PCDH15: variants seen among roughly 807,000 people sequenced by gnomAD.
The protein encoded by PCDH15 is protocadherin-15.
A neutral mutation model predicts 178.5 loss-of-function variants in PCDH15; 129 were observed. That is an observed-to-expected ratio of 0.72 (90% confidence interval 0.63 to 0.84). The LOEUF is 0.84. PCDH15 is among the 40% of genes least tolerant of loss of function. The pLI is 0.00. For synonymous variants in PCDH15, 800 were observed against 732.0 expected (o/e 1.09, Z -1.50); for missense variants, 2,230 against 2,099.9 (o/e 1.06, Z -1.21).
chr10:54,187,452 C>A (rs1351341793), intron 11 of PCDH15, among the ~76,000 whole-genome samples: 2 of 151,844 alleles, frequency 1.3e-5, no homozygotes. Context: ...TTACTTTTTA[C>A]CACTTTCAAG....
intron 3 of PCDH15, among the ~76,000 whole-genome samples, chr10:54,867,525 C>T (rs1953961950): frequency 6.6e-6 from 1 of 152,014 alleles, no homozygotes; most frequent in African/African-American, 2.4e-5. Flanking sequence ...TTTACAATGA[C>T]ATTGCACATA....
At chr10:54,472,407 G>A (rs971059586) in intron 3 of PCDH15, among the ~76,000 whole-genome samples, 6 of 152,022 alleles carry the variant, frequency 3.9e-5, no homozygotes, top group African/African-American at 1.2e-4. Flanking sequence ...TTAACTGAGT[G>A]TGAAGAAAAG....
chr10:53,840,592 A>C, intron 28 of PCDH15, 96 bp from the exon 29 acceptor site: 1 of 1,141,578 alleles, frequency 8.8e-7, no homozygotes, highest in Non-Finnish European at 1.3e-6. Flanking sequence ...TAAATGAAAA[A>C]TGATGACAGC....
chr10:54,806,684 C>G (rs963002467), intron 3 of PCDH15, among the ~76,000 whole-genome samples: 2 of 152,036 alleles, frequency 1.3e-5, no homozygotes, highest in African/African-American at 4.8e-5. Flanking sequence ...CGAGGTTTCA[C>G]CATGTTGGCC....
At chr10:53,896,301 T>A (rs1038368859) in intron 26 of PCDH15, among the ~76,000 whole-genome samples, 2 of 152,158 alleles carry the variant, frequency 1.3e-5, no homozygotes, top group African/African-American at 4.8e-5. Context: ...AGCTTCAACT[T>A]TCCTTCTTCA....
At chr10:55,300,619 A>AT (rs1170610902) in intron 1 of PCDH15, among the ~76,000 whole-genome samples, 2 of 152,082 alleles carry the variant, frequency 1.3e-5, no homozygotes, top group Non-Finnish European at 2.9e-5. Flanking sequence ...TAATGATGAG[A>AT]TTTTTCCGGG....
chr10:54,044,176 G>A (rs1169095426), intron 18 of PCDH15, among the ~76,000 whole-genome samples: 2 of 152,076 alleles, frequency 1.3e-5, no homozygotes, highest in African/African-American at 4.8e-5. Context: ...TAGTGGTATG[G>A]AGATACTTTG....
At chr10:54,364,684 A>T (rs1946553021) in intron 5 of PCDH15, among the ~76,000 whole-genome samples, 2 of 152,142 alleles carry the variant, frequency 1.3e-5, no homozygotes, top group Non-Finnish European at 2.9e-5. Context: ...TGTCATAAAA[A>T]TTATCATAAA....
At chr10:54,619,340 A>C (rs1202554973) in intron 2 of PCDH15, 2 of 151,916 alleles carry the variant, frequency 1.3e-5, no homozygotes, top group African/African-American at 4.8e-5. Flanking sequence ...TAATTTAAGG[A>C]AGAAGGGTTG....
intron 2 of PCDH15, among the ~76,000 whole-genome samples, chr10:54,577,958 T>C (rs1017643109): frequency 3.3e-5 from 5 of 152,254 alleles, no homozygotes; most frequent in African/African-American, 1.2e-4. Context: ...CTTAAGACCA[T>C]GTCGAATTAA....
chr10:55,188,800 T>G (rs1839868388), intron 1 of PCDH15, among the ~76,000 whole-genome samples: 1 of 151,614 alleles, frequency 6.6e-6, no homozygotes, highest in African/African-American at 2.4e-5. Context: ...GTAAACTAAT[T>G]TCTTATTATT....
chr10:55,346,981 G>C (rs552385867), intron 2 of PCDH15, among the ~76,000 whole-genome samples: 2 of 152,128 alleles, frequency 1.3e-5, no homozygotes, highest in South Asian at 4.1e-4. Flanking sequence ...TTGGGGGGCT[G>C]AGGTGGGAGG....
chr10:55,187,250 T>C (rs1043037235), intron 1 of PCDH15, among the ~76,000 whole-genome samples: 1 of 152,004 alleles, frequency 6.6e-6, no homozygotes, highest in African/African-American at 2.4e-5. Context: ...TACTATTACA[T>C]AGAGGATAAA....
intron 2 of PCDH15, among the ~76,000 whole-genome samples, chr10:55,574,114 T>G (rs79502528): frequency 1.7e-3 from 254 of 152,140 alleles, no homozygotes; most frequent in Non-Finnish European, 2.9e-3. Context: ...TAAGACCCAA[T>G]CAACATTCTT....
chr10:55,377,170 A>T (rs1588968115), intron 2 of PCDH15, among the ~76,000 whole-genome samples: 1 of 151,218 alleles, frequency 6.6e-6, no homozygotes, highest in East Asian at 1.9e-4. Context: ...AAAAGAAAAG[A>T]AAAACAGACT....
intron 2 of PCDH15, among the ~76,000 whole-genome samples, chr10:55,130,993 T>G (rs1349803568): frequency 6.6e-6 from 1 of 152,092 alleles, no homozygotes; most frequent in Non-Finnish European, 1.5e-5. Context: ...AGTACAGTTG[T>G]GAGAATGTTA....
At chr10:54,618,959 T>C (rs906233413) in intron 2 of PCDH15, among the ~76,000 whole-genome samples, 3 of 152,034 alleles carry the variant, frequency 2.0e-5, no homozygotes, top group South Asian at 4.1e-4. Flanking sequence ...ATCAAATGGA[T>C]GTTTTCATTA....
intron 2 of PCDH15, among the ~76,000 whole-genome samples, chr10:54,603,747 C>CTAA (rs1197424671): frequency 6.6e-6 from 1 of 151,910 alleles, no homozygotes; most frequent in Non-Finnish European, 1.5e-5. Flanking sequence ...GTTGGATTAG[C>CTAA]ATTTAAGACA....
chr10:54,398,439 C>A (rs1013710215), intron 3 of PCDH15, among the ~76,000 whole-genome samples: 1 of 151,840 alleles, frequency 6.6e-6, no homozygotes, highest in Non-Finnish European at 1.5e-5. Flanking sequence ...CCATCTCTAG[C>A]AATTTTTTAT....
Sources: allele counts gnomAD v4.1 joint callset (sites outside exome capture counted in the v4.1 genomes callset), GRCh38; gene constraint gnomAD v4.1.1; transcripts MANE v1.5; gene names NCBI Gene and HGNC (gene_info 2026-07-23, HGNC 2026-07-21).